The following TMTC4 variants were observed in gnomAD, a reference collection of about 807,000 sequenced individuals.
TMTC4 encodes the protein protein O-mannosyl-transferase TMTC4.
TMTC4 carries 65 observed loss-of-function variants against 86.0 expected under a neutral mutation model. That is an observed-to-expected ratio of 0.76 (90% CI 0.62 to 0.93). The LOEUF is 0.93. Among genes scored for constraint, TMTC4 ranks in the 40% least tolerant of loss-of-function variants. The pLI is 0.00. For missense variants in TMTC4, 866 were observed against 948.1 expected, an observed-to-expected ratio of 0.91 and a Z score of 1.14; for synonymous variants, 379 against 382.5, an observed-to-expected ratio of 0.99 and a Z score of 0.11.
intron 12 of TMTC4, among the ~76,000 whole-genome samples, chr13:100,630,438 T>C (rs1487800339): frequency 6.6e-6 from 1 of 152,226 alleles, no homozygotes; most frequent in East Asian, 1.9e-4. Flanking sequence ...CAAATTATTG[T>C]CCATTCATAG....
At chr13:100,631,866 G>A (rs914807686) in intron 12 of TMTC4, among the ~76,000 whole-genome samples, 3 of 152,064 alleles carry the variant, frequency 2.0e-5, no homozygotes, top group South Asian at 2.1e-4. Flanking sequence ...ATAATTTTAT[G>A]ACACTTCAAT....
At chr13:100,614,156 A>G (rs780537268) in intron 16 of TMTC4, among the ~76,000 whole-genome samples, 160 bp downstream of exon 16, 17 of 151,984 alleles carry the variant, frequency 1.1e-4, no homozygotes, top group South Asian at 2.1e-4. Context: ...TCCATTTTCT[A>G]GAGGAATAGA....
At chr13:100,629,291 G>T (rs567634140) in intron 12 of TMTC4, among the ~76,000 whole-genome samples, 1 of 152,312 alleles carries the variant, frequency 6.6e-6, no homozygotes, top group South Asian at 2.1e-4. Flanking sequence ...GAAGCATGAA[G>T]TGTGGGTGCT....
At chr13:100,659,403 G>C (rs1885495650) in intron 5 of TMTC4, among the ~76,000 whole-genome samples, 2 of 152,176 alleles carry the variant, frequency 1.3e-5, no homozygotes, top group Admixed American at 1.3e-4. Flanking sequence ...AAGTAGCTGG[G>C]ACTCCAGGCA....
chr13:100,609,777 C>CTTGTG (rs1280418910), intron 17 of TMTC4, among the ~76,000 whole-genome samples: 1 of 151,796 alleles, frequency 6.6e-6, no homozygotes, highest in Non-Finnish European at 1.5e-5. Context: ...TTTGTATCAC[C>CTTGTG]TTGTCAAGAG....
Position 100,664,342 on chromosome 13 carries a change from G to A in TMTC4, c.220-6C>T, listed in dbSNP as rs774825925. On this transcript the variant is annotated splice_polypyrimidine_tract_variant and splice_region_variant and intron_variant, in intron 3 of 18. Coordinates refer to ENST00000342624, the MANE Select transcript of TMTC4 (RefSeq NM_032813.5). Reference sequence around the variant, plus strand: ...GGCGTTTCTGCTTGGAGGTCCTGCAGGGTCACAAAGGGGATGTTCTGGACA... The same window carrying A: ...GGCGTTTCTGCTTGGAGGTCCTGCAAGGTCACAAAGGGGATGTTCTGGACA... 1 of 1,597,334 alleles carries A rather than the reference G, an allele frequency of 6.3e-7. No homozygotes were observed. Among genetic ancestry groups the A allele is most frequent in the Non-Finnish European group, 8.5e-7 (1 of 1,171,366 alleles).
chr13:100,604,060 C>T lies in TMTC4; in HGVS notation c.*934G>A, dbSNP rs1876211550. On this transcript the variant is annotated 3_prime_UTR_variant, in exon 19 of 19. Coordinates refer to ENST00000342624, the MANE Select transcript of TMTC4 (RefSeq NM_032813.5). ...ATCAAATAAAAAACAGCAGGAACAA[C>T]TCAATTCTTAAAAATACCACGAATT... The T allele has an allele frequency of 1.3e-5, 2 of 152,586 alleles. No homozygotes were observed. Among genetic ancestry groups the T allele is most frequent in the South Asian group, 2.1e-4 (1 of 4,828 alleles). The allele number at this position is 152,586 out of a possible 1,614,324, so 9.5% of individuals were successfully genotyped here.
chr13:100,612,245 A>G (rs1166343372), intron 17 of TMTC4, among the ~76,000 whole-genome samples, 153 bp downstream of exon 17: 1 of 152,252 alleles, frequency 6.6e-6, no homozygotes, highest in Non-Finnish European at 1.5e-5. Flanking sequence ...CTTTGAAGCA[A>G]CTTTTCCAGG....
rs572377170 is a variant in TMTC4, at chr13:100,605,235, T to G, written c.2135-93A>C. On this transcript the variant is annotated intron_variant, in intron 18 of 18. Transcript: ENST00000342624. This position sits in a 1 kb window ranked among gnomAD's most constrained non-coding sequence, Gnocchi z 4.3. ...GGACAAAGAAATATTACAGATCCTA[T>G]GCAAACAGTTTTCAAAAGTCAATTG... The G allele has an allele frequency of 7.0e-7, 1 of 1,420,794 alleles. No individual in the cohort carries two copies. The highest frequency in any genetic ancestry group is 2.4e-5 in the East Asian group (1 of 42,312). 88.0% of individuals were successfully genotyped at this position (1,420,794 alleles called of 1,614,324 possible).
At chr13:100,646,669 CG>C (rs1286055272) in intron 6 of TMTC4, among the ~76,000 whole-genome samples, 1 of 152,156 alleles carries the variant, frequency 6.6e-6, no homozygotes, top group Admixed American at 6.5e-5. Context: ...GCATGGAGCC[CG>C]GAAGTCAGGC....
intron 3 of TMTC4, 43 bp from the exon 4 acceptor site, chr13:100,664,379 T>A: frequency 6.7e-7 from 1 of 1,491,394 alleles, no homozygotes; most frequent in Non-Finnish European, 9.1e-7. Flanking sequence ...GGGTCTCCCA[T>A]CAGCCCTAAG....
chr13:100,620,399 T>C (rs932226980), intron 15 of TMTC4, among the ~76,000 whole-genome samples: 10 of 152,200 alleles, frequency 6.6e-5, no homozygotes, highest in African/African-American at 2.4e-4. Flanking sequence ...TCACAGCTCT[T>C]GAGGCTGTGG....
intron 15 of TMTC4, among the ~76,000 whole-genome samples, chr13:100,620,366 G>T (rs1156972844): frequency 6.6e-6 from 1 of 152,160 alleles, no homozygotes; most frequent in Non-Finnish European, 1.5e-5. Context: ...TCCCAGGGTG[G>T]AAGCAGTGGT....
chr13:100,664,596 C>A (rs926028555), intron 3 of TMTC4, among the ~76,000 whole-genome samples: 1 of 152,184 alleles, frequency 6.6e-6, no homozygotes, highest in African/African-American at 2.4e-5. Flanking sequence ...ACTCTGCAGG[C>A]CCATAGCTCT....
chr13:100,674,167 C>T, intron 1 of TMTC4: 1 of 926,516 alleles, frequency 1.1e-6, no homozygotes, highest in South Asian at 5.0e-5. Context: ...GCTCGGTGGC[C>T]CCGGGCGCCC....
At chr13:100,606,209 G>T in intron 18 of TMTC4, 149 bp downstream of exon 18, 1 of 724,544 alleles carries the variant, frequency 1.4e-6, no homozygotes, top group Non-Finnish European at 2.4e-6. Context: ...CTATCACTTT[G>T]CTATCTTTTT....
At chr13:100,630,113 T>C (rs1230830049) in intron 12 of TMTC4, among the ~76,000 whole-genome samples, 1 of 151,878 alleles carries the variant, frequency 6.6e-6, no homozygotes, top group East Asian at 1.9e-4. Flanking sequence ...TAATAAAATC[T>C]TGAAATACAG....
chr13:100,614,009 T>A (rs1878068673), intron 16 of TMTC4, among the ~76,000 whole-genome samples: 1 of 151,842 alleles, frequency 6.6e-6, no homozygotes, highest in Admixed American at 6.6e-5. Context: ...CCGGCTAATT[T>A]TGTATTTTTA....
rs1447648430 is a variant in TMTC4, at chr13:100,637,525, G to C, written c.999+13C>G. 5 of 1,606,578 alleles carry C rather than the reference G, an allele frequency of 3.1e-6. No individual in the cohort carries two copies. The East Asian group carries it at 1.1e-4, about 36-fold the overall frequency. On this transcript the variant is annotated intron_variant, in intron 9 of 18. Coordinates refer to ENST00000342624, the MANE Select transcript of TMTC4 (RefSeq NM_032813.5). ...AAGAAAAGAGTCCAGGGGGCGGCAG[G>C]CTCAGAACTCACCCTCACCAGCATG... is the stretch of plus-strand genomic sequence containing the variant.
Sources: allele counts gnomAD v4.1 joint callset (sites outside exome capture counted in the v4.1 genomes callset), GRCh38; gene constraint gnomAD v4.1.1; non-coding constraint Gnocchi (gnomAD v3.1); transcripts MANE v1.5; gene names NCBI Gene and HGNC (gene_info 2026-07-23, HGNC 2026-07-21).